Variants in RIPK4 observed in about 807,000 individuals in gnomAD.
RIPK4 encodes the protein receptor interacting serine/threonine kinase 4.
Under a neutral mutation model 42.9 loss-of-function variants are expected in RIPK4, and 17 were observed. That is an observed-to-expected ratio of 0.40 (90% confidence interval 0.27 to 0.59). The LOEUF (loss-of-function observed/expected upper bound fraction) is 0.59, where lower values mean the gene tolerates loss of function less well. RIPK4 is among the 20% of genes least tolerant of loss of function. RIPK4 has a pLI of 0.47. For synonymous variants in RIPK4, 498 were observed against 499.1 expected, an observed-to-expected ratio of 1.00 and a Z score of 0.03; for missense variants, 897 against 1,104.4, an observed-to-expected ratio of 0.81 and a Z score of 2.66.
At chr21:41,752,725 A>C (rs961875865) in intron 2 of RIPK4, among the ~76,000 whole-genome samples, 10 of 152,248 alleles carry the variant, frequency 6.6e-5, no homozygotes, top group Admixed American at 6.5e-4. Flanking sequence ...TCAGTTCAAC[A>C]GTCATCAGTG....
At chr21:41,745,183 C>T (rs2061166787) in intron 6 of RIPK4, among the ~76,000 whole-genome samples, 1 of 152,196 alleles carries the variant, frequency 6.6e-6, no homozygotes, top group Admixed American at 6.5e-5. Context: ...TACATATTTC[C>T]TGATCTCCTG....
chr21:41,754,151 C>T lies in RIPK4; in HGVS notation c.474+2374G>A, dbSNP rs141945892. On this transcript the variant is annotated intron_variant, in intron 2 of 7. Coordinates refer to ENST00000332512, the MANE Select transcript of RIPK4 (RefSeq NM_020639.3). ...AGGATTCTGGATTACAGTTTTCCTGCATTGAATAACTGTCTACTGAGGACT... is the reference window on the plus strand; with the variant it reads ...AGGATTCTGGATTACAGTTTTCCTGTATTGAATAACTGTCTACTGAGGACT... 7.9e-5 allele frequency among the ~76,000 whole-genome samples: 12 copies of T among 152,212 alleles called. No individual in the cohort carries two copies. In the East Asian group the frequency reaches 2.1e-3, roughly 27 times the overall value.
intron 1 of RIPK4, among the ~76,000 whole-genome samples, chr21:41,758,582 T>C (rs2061211979): frequency 6.6e-6 from 1 of 152,222 alleles, no homozygotes; most frequent in Admixed American, 6.5e-5. Context: ...GGAGCAGAAT[T>C]GCTTGGTCAC....
At chr21:41,747,311 T>C (rs2061174965) in intron 4 of RIPK4, among the ~76,000 whole-genome samples, 2 of 152,180 alleles carry the variant, frequency 1.3e-5, no homozygotes, top group Admixed American at 6.5e-5. Flanking sequence ...GAAGGGCTCT[T>C]TCCCCTCAAT....
In RIPK4 at chr21:41,755,039, C is replaced by T. The variant is rs946861912; in HGVS notation, c.474+1486G>A. On this transcript the variant is annotated intron_variant, in intron 2 of 7. Coordinates refer to ENST00000332512, the MANE Select transcript of RIPK4 (RefSeq NM_020639.3). The surrounding 1 kb of genome is among the most constrained non-coding windows in gnomAD (Gnocchi z 4.2). ...TTTCCGGTATTCAGTGCACGTTGGACGGCAGAGCTTACTAGTCATTAGGGC... is the reference window on the plus strand; with the variant it reads ...TTTCCGGTATTCAGTGCACGTTGGATGGCAGAGCTTACTAGTCATTAGGGC... Among the ~76,000 whole-genome samples the T allele has an allele frequency of 2.6e-5, 4 of 152,112 alleles. No homozygotes were observed. The highest frequency in any genetic ancestry group is 1.3e-4 in the Admixed American group (2 of 15,274).
At chr21:41,753,324 G>T (rs1433120824) in intron 2 of RIPK4, among the ~76,000 whole-genome samples, 1 of 152,198 alleles carries the variant, frequency 6.6e-6, no homozygotes, top group Non-Finnish European at 1.5e-5. Flanking sequence ...TCTCAGCCTG[G>T]TGCTTCCCCA....
rs969726426 is a variant in RIPK4, at chr21:41,751,905, C to T, written c.475-660G>A. 1.3e-5 allele frequency among the ~76,000 whole-genome samples: 2 copies of T among 152,210 alleles called. No homozygotes were observed. Among genetic ancestry groups the T allele is most frequent in the South Asian group, 2.1e-4 (1 of 4,828 alleles). ...GTCTGATAAACACCTCTGCTGGCAG[C>T]GCCCGGGCCCCAAGGAGCACCGGCC... On this transcript the variant is annotated intron_variant, in intron 2 of 7. Coordinates refer to ENST00000332512, the MANE Select transcript of RIPK4 (RefSeq NM_020639.3). This position sits in a 1 kb window ranked among gnomAD's most constrained non-coding sequence, Gnocchi z 4.5.
rs1366227561 is a variant in RIPK4, at chr21:41,751,074, A to G, written c.623+23T>C. Reference sequence around the variant, plus strand: ...TGAGAGCCCCTGGCACCCACAGGGGATGGGGGGCGGCATGTCACACACCTG... The same window carrying G: ...TGAGAGCCCCTGGCACCCACAGGGGGTGGGGGGCGGCATGTCACACACCTG... On this transcript the variant is annotated intron_variant, in intron 3 of 7. Transcript: ENST00000332512. The surrounding 1 kb of genome is among the most constrained non-coding windows in gnomAD (Gnocchi z 4.5). 1 of 1,604,516 alleles carries G rather than the reference A, an allele frequency of 6.2e-7. No homozygotes were observed. The highest frequency in any genetic ancestry group is 8.5e-7 in the Non-Finnish European group (1 of 1,173,846).
intron 7 of RIPK4, 88 bp downstream of exon 7, chr21:41,743,794 C>T: frequency 6.9e-7 from 1 of 1,455,606 alleles, no homozygotes; most frequent in Non-Finnish European, 9.2e-7. Context: ...GAAACTGTCC[C>T]CTTGATTCCG....
chr21:41,758,035 TATATATAGAGAG>T (rs1415933095), intron 1 of RIPK4, among the ~76,000 whole-genome samples: 1 of 97,292 alleles, frequency 1.0e-5, no homozygotes, highest in African/African-American at 5.6e-5. Flanking sequence ...TATATATATA[TATATATAGAGAG>T]AGAGAGAGAG....
At chr21:41,744,193 G>A (rs763733600) in intron 6 of RIPK4, 53 bp from the exon 7 acceptor site, 6 of 1,488,936 alleles carry the variant, frequency 4.0e-6, no homozygotes, top group Non-Finnish European at 5.3e-6. Flanking sequence ...AGACCGCATG[G>A]CCCGCCCATG....
chr21:41,762,114 G>A (rs541643980), intron 1 of RIPK4, among the ~76,000 whole-genome samples: 1 of 152,348 alleles, frequency 6.6e-6, no homozygotes, highest in African/African-American at 2.4e-5. Context: ...CCTGAAGGGA[G>A]CCCGGCACGA....
At position 41,755,117 on chromosome 21, in the gene RIPK4, G is replaced by C. The variant is rs1281458680; in HGVS notation, c.474+1408C>G. Reference sequence around the variant, plus strand: ...GCCCGTAAATGTTGGCGGGAATGGGGGGTCCGCATGTGAGGCCCAGCCCTG... The same window carrying C: ...GCCCGTAAATGTTGGCGGGAATGGGCGGTCCGCATGTGAGGCCCAGCCCTG... On this transcript the variant is annotated intron_variant, in intron 2 of 7. Transcript: ENST00000332512. The surrounding 1 kb of genome is among the most constrained non-coding windows in gnomAD (Gnocchi z 4.2). Among the ~76,000 whole-genome samples the C allele has an allele frequency of 1.3e-5, 2 of 152,042 alleles. No individual in the cohort carries two copies. Among genetic ancestry groups the C allele is most frequent in the Non-Finnish European group, 2.9e-5 (2 of 68,000 alleles).
intron 5 of RIPK4, 108 bp downstream of exon 5, chr21:41,746,505 T>TA (rs2061171723): frequency 1.5e-6 from 2 of 1,364,978 alleles, no homozygotes; most frequent in South Asian, 1.3e-5. Context: ...GCCCACCTGT[T>TA]ACACGCCTTG....
rs781698359 is a variant in RIPK4 at position 41,751,083 on chromosome 21, G to A, written c.623+14C>T. The A allele has an allele frequency of 6.8e-6, 11 of 1,607,662 alleles. No homozygotes were observed. The highest frequency in any genetic ancestry group is 5.0e-5 in the Admixed American group (3 of 59,726). On this transcript the variant is annotated intron_variant, in intron 3 of 7. Coordinates refer to ENST00000332512, the MANE Select transcript of RIPK4 (RefSeq NM_020639.3). The surrounding 1 kb of genome is among the most constrained non-coding windows in gnomAD (Gnocchi z 4.5). ...CTGGCACCCACAGGGGATGGGGGGC[G>A]GCATGTCACACACCTGTATACATCG... is the stretch of plus-strand genomic sequence containing the variant.
chr21:41,747,276 C>G (rs59776309), intron 4 of RIPK4, among the ~76,000 whole-genome samples: 1 of 152,162 alleles, frequency 6.6e-6, no homozygotes, highest in African/African-American at 2.4e-5. Flanking sequence ...CCTCCCCTGC[C>G]GGTGCACCAG....
chr21:41,756,777 C>G lies in RIPK4; in HGVS notation c.222G>C (p.Glu74Asp). Residue 74 changes from glutamate (E) to aspartate (D), a missense_variant, in exon 2 of 8, where the codon GAG (glutamate) becomes GAC (aspartate). Coordinates refer to ENST00000332512, the MANE Select transcript of RIPK4 (RefSeq NM_020639.3). ...MELLEEAKKMEMAKFRYILPV... is the reference protein window; with the variant it reads ...MELLEEAKKMDMAKFRYILPV... The stretch of plus-strand genomic sequence containing the variant: ...GCAGGATGTAGCGAAACTTGGCCAT[C>G]TCCATCTTCTTGGCTTCTTCCAAAA... 1 of 1,614,038 alleles carries G rather than the reference C, an allele frequency of 6.2e-7. No individual in the cohort carries two copies. The highest frequency in any genetic ancestry group is 1.3e-5 in the African/African-American group (1 of 75,076).
intron 3 of RIPK4, among the ~76,000 whole-genome samples, chr21:41,749,898 AAAAAAAAAAAAG>A (rs2061183408): frequency 1.3e-5 from 2 of 151,604 alleles, no homozygotes; most frequent in Non-Finnish European, 2.9e-5. Context: ...TTAAAAAAAA[AAAAAAAAAAAAG>A]AAAAGAAAAA....
rs1370389440 is a variant in RIPK4 at position 41,755,994 on chromosome 21, G to A, written c.474+531C>T. ...CCCAGGCGTTGCACTAACGCAACAC[G>A]CTGCCACTCCGCACTCTACGCAGGG... On this transcript the variant is annotated intron_variant, in intron 2 of 7. Coordinates refer to ENST00000332512, the MANE Select transcript of RIPK4 (RefSeq NM_020639.3). The surrounding 1 kb of genome is among the most constrained non-coding windows in gnomAD (Gnocchi z 4.2). Among the ~76,000 whole-genome samples, 3 of 152,170 alleles carry A rather than the reference G, an allele frequency of 2.0e-5. No homozygotes were observed. Among genetic ancestry groups the A allele is most frequent in the South Asian group, 4.1e-4 (2 of 4,830 alleles).
Sources: gnomAD v4.1 joint callset for allele counts (sites outside exome capture counted in the v4.1 genomes callset) on GRCh38, gnomAD v4.1.1 for gene constraint, Gnocchi (gnomAD v3.1) non-coding constraint, MANE v1.5 for transcripts, NCBI Gene and HGNC (gene_info 2026-07-23, HGNC 2026-07-21) for gene names.